PLXNA4: variants seen among roughly 807,000 people sequenced by gnomAD.
The protein encoded by PLXNA4 is plexin-A4.
In PLXNA4, 44 loss-of-function variants were observed where a neutral mutation model predicts 191.8. The observed-to-expected ratio is 0.23, with a 90% CI of 0.18 to 0.29. The LOEUF is 0.29. Ranked by LOEUF, PLXNA4 falls within the 10% of genes least tolerant of loss-of-function variation. The pLI, the probability that PLXNA4 is intolerant of heterozygous loss-of-function variation, is 1.00. For synonymous variants in PLXNA4, 1,082 were observed against 1,009.5 expected, an observed-to-expected ratio of 1.07 and a Z score of -1.36; for missense variants, 1,800 against 2,488.8, an observed-to-expected ratio of 0.72 and a Z score of 5.89.
chr7:132,402,186 C>G (rs953127640), intron 3 of PLXNA4, among the ~76,000 whole-genome samples: 1 of 152,176 alleles, frequency 6.6e-6, no homozygotes, highest in African/African-American at 2.4e-5. Flanking sequence ...ATACACAAGT[C>G]TAATAAGCTT....
chr7:132,178,543 C>T (rs1436744320), intron 20 of PLXNA4, among the ~76,000 whole-genome samples: 1 of 152,238 alleles, frequency 6.6e-6, no homozygotes, highest in Admixed American at 6.5e-5. Flanking sequence ...CTTGGCCTCT[C>T]TGGTGTTGCC....
At chr7:132,357,356 C>A (rs1803752939) in intron 3 of PLXNA4, among the ~76,000 whole-genome samples, 1 of 152,156 alleles carries the variant, frequency 6.6e-6, no homozygotes, top group South Asian at 2.1e-4. Context: ...TCTTGCCTTC[C>A]TAATCCGCCT....
At chr7:132,608,963 G>A (rs1479103032) in intron 2 of PLXNA4, among the ~76,000 whole-genome samples, 1 of 152,102 alleles carries the variant, frequency 6.6e-6, no homozygotes, top group Non-Finnish European at 1.5e-5. Context: ...GGACAGCCAG[G>A]AACTGCCACC....
At chr7:132,385,598 C>T (rs965217268) in intron 3 of PLXNA4, among the ~76,000 whole-genome samples, 7 of 152,240 alleles carry the variant, frequency 4.6e-5, no homozygotes, top group African/African-American at 1.4e-4. Context: ...GTGTCTTAGA[C>T]AGCAAGGGGA....
chr7:132,563,404 C>T (rs1457200306), intron 1 of PLXNA4, among the ~76,000 whole-genome samples: 3 of 98,316 alleles, frequency 3.1e-5, no homozygotes, highest in Non-Finnish European at 6.3e-5. Flanking sequence ...TTCTCCTCCT[C>T]CTCCTCTCCC....
chr7:132,563,517 C>T (rs1329268903), intron 1 of PLXNA4, among the ~76,000 whole-genome samples: 4 of 41,358 alleles, frequency 9.7e-5, no homozygotes, highest in Admixed American at 2.9e-4. Context: ...CCTCCTCCTG[C>T]TGCTCCTCCT....
intron 3 of PLXNA4, chr7:132,484,900 C>A: frequency 6.2e-7 from 1 of 1,614,208 alleles, no homozygotes; most frequent in South Asian, 1.1e-5. Flanking sequence ...GACTTGAGCA[C>A]TGAAGATACA....
chr7:132,523,332 G>A (rs1435358786), intron 1 of PLXNA4, among the ~76,000 whole-genome samples: 1 of 152,228 alleles, frequency 6.6e-6, no homozygotes, highest in African/African-American at 2.4e-5. Flanking sequence ...GAATAGCCAT[G>A]GTTTGTATCT....
In PLXNA4 at chr7:132,222,217, G is replaced by T. The variant is rs190460696; in HGVS notation, c.2097+1310C>A. 1.9e-3 allele frequency among the ~76,000 whole-genome samples: 287 copies of T among 152,246 alleles called. 1 individual carries two copies. Among genetic ancestry groups the T allele is most frequent in the African/African-American group, 5.8e-3 (241 of 41,520 alleles). On this transcript the variant is annotated intron_variant, in intron 9 of 31. Coordinates refer to ENST00000321063, the MANE Select transcript of PLXNA4 (RefSeq NM_020911.2). ...AACTCCTGCTCAGCCATCAGGATTC[G>T]GGCAAAACGGGATTTGGGCCGGGAT...
At chr7:132,161,527 T>A (rs767224343) in intron 24 of PLXNA4, among the ~76,000 whole-genome samples, 28 of 152,204 alleles carry the variant, frequency 1.8e-4, no homozygotes, top group Non-Finnish European at 3.1e-4. Flanking sequence ...TTTGTTGAGA[T>A]ACAAAATCTG....
At chr7:132,471,078 C>A (rs892483690) in intron 3 of PLXNA4, among the ~76,000 whole-genome samples, 2 of 152,040 alleles carry the variant, frequency 1.3e-5, no homozygotes, top group South Asian at 2.1e-4. Flanking sequence ...CCGCTTGGTG[C>A]GGTTTTTGTG....
intron 3 of PLXNA4, among the ~76,000 whole-genome samples, chr7:132,394,115 G>A (rs899876958): frequency 1.3e-5 from 2 of 152,040 alleles, no homozygotes; most frequent in African/African-American, 4.8e-5. Context: ...CCAAGACCCA[G>A]GATACATGGG....
chr7:132,209,389 G>A (rs1228803920), intron 10 of PLXNA4, among the ~76,000 whole-genome samples: 4 of 152,222 alleles, frequency 2.6e-5, no homozygotes, highest in Non-Finnish European at 4.4e-5. Context: ...TATAGGGAGG[G>A]TCTTGTTTTG....
At chr7:132,341,551 C>T (rs1285947174) in intron 3 of PLXNA4, among the ~76,000 whole-genome samples, 2 of 152,186 alleles carry the variant, frequency 1.3e-5, no homozygotes, top group Non-Finnish European at 2.9e-5. Flanking sequence ...CCTGCATGGA[C>T]CAGAGCTTCA....
intron 10 of PLXNA4, among the ~76,000 whole-genome samples, chr7:132,204,345 T>A (rs763794372): frequency 6.6e-5 from 10 of 152,174 alleles, no homozygotes; most frequent in Non-Finnish European, 1.5e-4. Flanking sequence ...CAGAGGGAAC[T>A]TAGAGCCCAC....
In PLXNA4 at chr7:132,179,849, C is replaced by T. The variant is rs755417761; in HGVS notation, c.3712G>A (p.Ala1238Thr). 8 of 1,613,266 alleles carry T rather than the reference C, an allele frequency of 5.0e-6. No individual in the cohort carries two copies. Among genetic ancestry groups the T allele is most frequent in the Middle Eastern group, 1.7e-4 (1 of 6,048 alleles). ...CCAGCCACTGCGATGCTGACGATGG[C>T]GGGCAGGCTGAGCGGGCTGTCCGGG... ...IAPDSPLSLP[A>T]IVSIAVAGGL... The change falls in exon 20 of 32, where the codon GCC (alanine) becomes ACC (threonine). Residue 1238 changes from alanine (A) to threonine (T), a missense_variant. Physicochemically the swap from Ala to Thr is moderately conservative, Grantham distance 58. This residue lies in a region of PLXNA4 where 1,397 missense variants were observed against 1,880.4 expected (regional missense o/e 0.74). Coordinates refer to ENST00000321063, the MANE Select transcript of PLXNA4 (RefSeq NM_020911.2).
intron 2 of PLXNA4, among the ~76,000 whole-genome samples, chr7:132,633,075 C>T (rs1185255420): frequency 6.6e-6 from 1 of 152,104 alleles, no homozygotes; most frequent in Admixed American, 6.5e-5. Flanking sequence ...GCTTTCCACA[C>T]TCCCTTCAAC....
chr7:132,210,198 G>A (rs554510150), intron 10 of PLXNA4, among the ~76,000 whole-genome samples: 89 of 152,296 alleles, frequency 5.8e-4, no homozygotes, highest in African/African-American at 2.0e-3. Flanking sequence ...GCACAAAGAA[G>A]GGAGCCCAGA....
At chr7:132,487,173 C>A (rs942235572) in intron 3 of PLXNA4, among the ~76,000 whole-genome samples, 1 of 152,140 alleles carries the variant, frequency 6.6e-6, no homozygotes, top group African/African-American at 2.4e-5. Flanking sequence ...ACTGCCCAAC[C>A]AGCTCAGACA....
Sources: gnomAD v4.1 joint callset for allele counts (sites outside exome capture counted in the v4.1 genomes callset) on GRCh38, gnomAD v4.1.1 for gene constraint, gnomAD v4.1.1 regional missense constraint, MANE v1.5 for transcripts, NCBI Gene and HGNC (gene_info 2026-07-23, HGNC 2026-07-21) for gene names.